MICAL1: variants seen among roughly 807,000 people sequenced by gnomAD.
The protein encoded by MICAL1 is [F-actin]-monooxygenase MICAL1.
MICAL1 carries 95 observed loss-of-function variants against 131.8 expected under a neutral mutation model. The ratio of observed to expected loss-of-function variants is 0.72; its 90% CI spans 0.61 to 0.86. The LOEUF is 0.86. Ranked by LOEUF, MICAL1 falls within the 40% of genes least tolerant of loss-of-function variation. The probability of loss-of-function intolerance (pLI) is 0.00; values close to 1 mark genes in which losing one functional copy is unlikely to be tolerated. For synonymous variants in MICAL1, 546 were observed against 554.2 expected (o/e 0.99, Z 0.21); for missense variants, 1,292 against 1,380.6 (o/e 0.94, Z 1.02).
intron 12 of MICAL1, 108 bp from the exon 13 acceptor site, chr6:109,448,501 G>A: frequency 7.4e-7 from 1 of 1,353,470 alleles, no homozygotes; most frequent in African/African-American, 1.4e-5. Context: ...TGGGGTACAA[G>A]AAGGCTTGAA....
chr6:109,465,359 A>G, intron 1 of MICAL1: 1 of 410,002 alleles, frequency 2.4e-6, no homozygotes, highest in Non-Finnish European at 4.4e-6. Flanking sequence ...TTCCCCATAC[A>G]TTGTGATCTG....
At chr6:109,456,862 T>G (rs1009429404), upstream of MICAL1, among the ~76,000 whole-genome samples, 5 of 152,216 alleles carry the variant, frequency 3.3e-5, no homozygotes, top group African/African-American at 1.2e-4. Flanking sequence ...GTGGCAGAGC[T>G]GTTTGGGGGC....
At chr6:109,465,529 G>T in intron 1 of MICAL1, 3 of 966,450 alleles carry the variant, frequency 3.1e-6, no homozygotes, top group Non-Finnish European at 4.5e-6. Context: ...ATAACCTATG[G>T]CTGTGAACAT....
At chr6:109,444,409 C>G (rs1775114394) in intron 24 of MICAL1, 70 bp from the exon 25 acceptor site, 1 of 1,594,230 alleles carries the variant, frequency 6.3e-7, no homozygotes, top group Non-Finnish European at 8.6e-7. Flanking sequence ...CAACCTAATC[C>G]CAGCCTATGT....
At chr6:109,460,523 TACACACAC>T (rs113472586), upstream of MICAL1, among the ~76,000 whole-genome samples, 262 of 147,782 alleles carry the variant, frequency 1.8e-3, 5 homozygotes, top group East Asian at 0.041. Flanking sequence ...TATATATAAA[TACACACAC>T]ACACACACAC....
upstream of MICAL1, among the ~76,000 whole-genome samples, chr6:109,460,481 TG>T (rs1456338428): frequency 6.7e-6 from 1 of 149,816 alleles, no homozygotes; most frequent in African/African-American, 2.5e-5. Flanking sequence ...TAAAAGCTGT[TG>T]ATGTCCCATG....
intron 8 of MICAL1, 78 bp from the exon 9 acceptor site, chr6:109,450,163 C>A: frequency 6.4e-7 from 1 of 1,571,258 alleles, no homozygotes; most frequent in South Asian, 1.2e-5. Flanking sequence ...CCACCCAGGT[C>A]ACAGCAGAAG....
chr6:109,446,114 C>A, intron 19 of MICAL1, 22 bp downstream of exon 19: 1 of 1,529,032 alleles, frequency 6.5e-7, no homozygotes, highest in Non-Finnish European at 8.8e-7. Context: ...CCTGGGTCAG[C>A]ACATCTGTGA....
chr6:109,444,474 A>G (rs1195931197), intron 24 of MICAL1, 135 bp from the exon 25 acceptor site: 1 of 1,307,806 alleles, frequency 7.6e-7, no homozygotes, highest in Non-Finnish European at 1.1e-6. Flanking sequence ...AGGGTTGCCA[A>G]CACCAGTGGT....
At chr6:109,445,736 G>A (rs763597050) in intron 20 of MICAL1, 35 bp downstream of exon 20, 33 of 1,594,320 alleles carry the variant, frequency 2.1e-5, no homozygotes, top group Non-Finnish European at 1.7e-6. Context: ...TAGTGGGCTG[G>A]AGAGCGTTTT....
Position 109,446,764 on chromosome 6 carries a change from A to C in MICAL1, c.2236T>G (p.Tyr746Asp). Residue 746 changes from tyrosine to aspartate, a missense_variant, in exon 18 of 25, where the codon TAC (tyrosine) becomes GAC (aspartate). Coordinates refer to ENST00000358807, the MANE Select transcript of MICAL1 (RefSeq NM_022765.4). ...YEQHPGDGHF[Y>D]CLQHLPQTDH... ...GTCTGGGGCAGGTGCTGGAGGCAGT[A>C]GAAATGTCCTGGAAAGGGTAGAGAG... 4.3e-6 allele frequency: 7 copies of C among 1,613,570 alleles called. No individual in the cohort carries two copies. The highest frequency in any genetic ancestry group is 5.9e-6 in the Non-Finnish European group (7 of 1,179,848).
At position 109,445,259 on chromosome 6, in the gene MICAL1, G is replaced by A; in HGVS notation, c.2819C>T (p.Ala940Val). The A allele has an allele frequency of 6.2e-7, 1 of 1,614,132 alleles. No individual in the cohort carries two copies. The highest frequency in any genetic ancestry group is 8.5e-7 in the Non-Finnish European group (1 of 1,180,044). The change falls in exon 22 of 25, where the codon GCT becomes GTT. Residue 940 changes from alanine (A) to valine (V), a missense_variant. Physicochemically the swap from Ala to Val is moderately conservative, Grantham distance 64 (BLOSUM62 0). Transcript: ENST00000358807. ...TIQRRLNEIE[A>V]ALRELEAEGV... Reference sequence around the variant, plus strand: ...CTCGGCCTCTAGCTCCCTCAAGGCAGCCTCAATCTCATTTAGTCGCCGTTG... The same window carrying A: ...CTCGGCCTCTAGCTCCCTCAAGGCAACCTCAATCTCATTTAGTCGCCGTTG...
upstream of MICAL1, among the ~76,000 whole-genome samples, chr6:109,456,624 A>G (rs1178409115): frequency 3.3e-5 from 5 of 152,212 alleles, no homozygotes; most frequent in African/African-American, 1.2e-4. Context: ...CTGTCTGCTG[A>G]AAAGGGCTGG....
In MICAL1 at chr6:109,455,758, C is replaced by T. The variant is rs1187341217; in HGVS notation, c.-83G>A. 469 of 951,588 alleles carry T rather than the reference C, an allele frequency of 4.9e-4. No homozygotes were observed. Among genetic ancestry groups the T allele is most frequent in the Non-Finnish European group, 5.5e-4 (456 of 823,680 alleles). 58.9% of individuals were successfully genotyped at this position (951,588 alleles called of 1,614,324 possible). ...CCGGGAGGGGCCGCTTCCTGTTGGG[C>T]TGGCAACCAGGTCTGAGCGGGTGGG... On this transcript the variant is annotated 5_prime_UTR_variant, in exon 1 of 25. Coordinates refer to ENST00000358807, the MANE Select transcript of MICAL1 (RefSeq NM_022765.4). The surrounding 1 kb of genome is among the most constrained non-coding windows in gnomAD (Gnocchi z 4.7).
At chr6:109,457,417 A>G (rs938265906), upstream of MICAL1, among the ~76,000 whole-genome samples, 2 of 152,110 alleles carry the variant, frequency 1.3e-5, no homozygotes, top group African/African-American at 4.8e-5. Context: ...TTGATTCAAA[A>G]TGATGCGTGA....
upstream of MICAL1, among the ~76,000 whole-genome samples, chr6:109,457,881 G>A (rs1775795843): frequency 6.6e-6 from 1 of 152,218 alleles, no homozygotes; most frequent in South Asian, 2.1e-4. Flanking sequence ...GCATAAAGCA[G>A]CAGGGAATAC....
Position 109,449,823 on chromosome 6 carries a change from G to A in MICAL1, c.1308-40C>T, listed in dbSNP as rs781271848. 1.3e-5 allele frequency: 20 copies of A among 1,591,802 alleles called. No individual in the cohort carries two copies. The African/African-American group carries it at 2.1e-4, about 17-fold the overall frequency. On this transcript the variant is annotated intron_variant, in intron 9 of 24. Transcript: ENST00000358807. ...GTAAGGGGCAGGGGCATGAATGGGAGGGCACCTGTCAGCACCCACCTCTCA... is the reference window on the plus strand; with the variant it reads ...GTAAGGGGCAGGGGCATGAATGGGAAGGCACCTGTCAGCACCCACCTCTCA...
Position 109,449,917 on chromosome 6 carries a change from G to A in MICAL1, c.1307+53C>T, listed in dbSNP as rs528132403. 11 of 1,602,686 alleles carry A rather than the reference G, an allele frequency of 6.9e-6. No individual in the cohort carries two copies. The South Asian group carries it at 1.2e-4, about 18-fold the overall frequency. On this transcript the variant is annotated intron_variant, in intron 9 of 24. Transcript: ENST00000358807. Reference sequence around the variant, plus strand: ...ACTCAGCACCCCTGCCCCTCTTCCTGAACCTTGTCACATGTCCTGCCCTGC... The same window carrying A: ...ACTCAGCACCCCTGCCCCTCTTCCTAAACCTTGTCACATGTCCTGCCCTGC...
At chr6:109,453,522 C>T (rs1162759186) in intron 3 of MICAL1, 116 bp downstream of exon 3, 2 of 1,503,556 alleles carry the variant, frequency 1.3e-6, no homozygotes, top group African/African-American at 2.8e-5. Context: ...TCTTCAAGGT[C>T]ACCTGGCTGA....
Sources: gnomAD v4.1 joint callset for allele counts (sites outside exome capture counted in the v4.1 genomes callset) on GRCh38, gnomAD v4.1.1 for gene constraint, Gnocchi (gnomAD v3.1) non-coding constraint, MANE v1.5 for transcripts, NCBI Gene and HGNC (gene_info 2026-07-23, HGNC 2026-07-21) for gene names.